SLC12A5: variants seen among roughly 807,000 people sequenced by gnomAD.
SLC12A5 encodes the protein solute carrier family 12 member 5.
SLC12A5 carries 18 observed loss-of-function variants against 124.0 expected under a neutral mutation model. The ratio of observed to expected loss-of-function variants is 0.15; its 90% CI spans 0.10 to 0.22. The LOEUF (loss-of-function observed/expected upper bound fraction) is 0.22. Ranked by LOEUF, SLC12A5 falls within the 10% of genes least tolerant of loss-of-function variation. The pLI, the probability that SLC12A5 is intolerant of heterozygous loss-of-function variation, is 1.00. For missense variants in SLC12A5, 867 were observed against 1,478.7 expected, an observed-to-expected ratio of 0.59 and a Z score of 6.78; for synonymous variants, 589 against 568.0, an observed-to-expected ratio of 1.04 and a Z score of -0.53.
chr20:46,059,713 TTCA>T lies in SLC12A5; in HGVS notation c.*2112_*2114del. ...TTGTTATGAATGTTATCACAAGTCATTCATCAAGTTATCTTTATAATCACTGTA... is the reference window on the plus strand; with the variant it reads ...TTGTTATGAATGTTATCACAAGTCATTCAAGTTATCTTTATAATCACTGTA... On this transcript the variant is annotated 3_prime_UTR_variant, in exon 26 of 26. Coordinates refer to ENST00000243964, the MANE Select transcript of SLC12A5 (RefSeq NM_020708.5). 2.5e-6 allele frequency: 1 copy of T among 399,048 alleles called. No individual in the cohort carries two copies. The highest frequency in any genetic ancestry group is 4.4e-5 in the Admixed American group (1 of 22,738). 24.7% of individuals were successfully genotyped at this position (399,048 alleles called of 1,614,324 possible). A position where few individuals can be genotyped will look rare whatever the true frequency, so the allele number is the denominator to read the frequency against.
downstream of SLC12A5, among the ~76,000 whole-genome samples, chr20:46,023,829 C>T (rs528296254): frequency 6.6e-6 from 1 of 152,280 alleles, no homozygotes; most frequent in South Asian, 2.1e-4. Context: ...GGGACCATCT[C>T]CTTTATCTTT....
intron 10 of SLC12A5, 26 bp downstream of exon 10, chr20:46,043,757 C>T: frequency 6.2e-7 from 1 of 1,613,832 alleles, no homozygotes; most frequent in Non-Finnish European, 8.5e-7. Flanking sequence ...GTGCTGGGAC[C>T]ACCCTCGGGG....
intron 15 of SLC12A5, 118 bp from the exon 16 acceptor site, chr20:46,047,863 C>A (rs372672111): frequency 7.0e-6 from 7 of 1,000,460 alleles, no homozygotes; most frequent in African/African-American, 1.6e-5. Context: ...GAGTGATACA[C>A]ATGTCCTTTC....
intron 1 of SLC12A5, among the ~76,000 whole-genome samples, chr20:46,022,353 T>C (rs57867828): frequency 0.022 from 3,021 of 135,304 alleles, 89 homozygotes; most frequent in African/African-American, 0.079. Context: ...TGGTTTGGGG[T>C]CAGGAAAGGG....
rs183619420 is a variant in SLC12A5 at position 46,058,877 on chromosome 20, G to A, written c.*1272G>A. 6.4e-3 allele frequency: 2,536 copies of A among 397,398 alleles called. 10 individuals are homozygous for A. The highest frequency in any genetic ancestry group is 8.8e-3 in the Non-Finnish European group (1,997 of 225,856). 24.6% of individuals were successfully genotyped at this position (397,398 alleles called of 1,614,324 possible). A position where few individuals can be genotyped will look rare whatever the true frequency, so the allele number is the denominator to read the frequency against. ...CCAGCCGCCTTCTCCGTGCTCTGGG[G>A]CCGGGCCTCGCTGCTTAGCAGCGGC... On this transcript the variant is annotated 3_prime_UTR_variant, in exon 26 of 26. Coordinates refer to ENST00000243964, the MANE Select transcript of SLC12A5 (RefSeq NM_020708.5). This position sits in a 1 kb window ranked among gnomAD's most constrained non-coding sequence, Gnocchi z 5.8.
In SLC12A5 at chr20:46,040,405, G is replaced by C. The variant is rs1173386400; in HGVS notation, c.645G>C (p.Lys215Asn). 1 of 1,614,078 alleles carries C rather than the reference G, an allele frequency of 6.2e-7. No individual in the cohort carries two copies. Among genetic ancestry groups the C allele is most frequent in the Non-Finnish European group, 8.5e-7 (1 of 1,180,056 alleles). The stretch of plus-strand genomic sequence containing the variant: ...TCTTCCCAGCCATGGCCATCTTCAA[G>C]GCAGAAGATGCCAGTGGGGAGGCAG... The part of the protein sequence containing the change: ...AYLFPAMAIF[K>N]AEDASGEAAA... The change falls in exon 7 of 26, where the codon AAG (lysine) becomes AAC (asparagine). Residue 215 changes from lysine to asparagine, a missense_variant. Lys to Asn is a moderately conservative substitution (Grantham distance 94). Around this residue, in one of 9 missense-constraint regions of SLC12A5, gnomAD observed 126 missense variants for 291.6 expected, o/e 0.43. Transcript: ENST00000243964.
intron 8 of SLC12A5, among the ~76,000 whole-genome samples, chr20:46,042,809 A>G (rs991468485): frequency 9.9e-5 from 15 of 152,084 alleles, no homozygotes; most frequent in African/African-American, 3.6e-4. Context: ...ATTTACTGAA[A>G]TATGGGATGC....
chr20:46,042,258 A>C (rs1160100929), intron 8 of SLC12A5, among the ~76,000 whole-genome samples: 1 of 152,168 alleles, frequency 6.6e-6, no homozygotes, highest in East Asian at 1.9e-4. Context: ...GGAGCCACCA[A>C]GGGGTTTTGG....
intron 1 of SLC12A5, chr20:46,022,067 A>G (rs1438071958): frequency 5.2e-6 from 4 of 767,156 alleles, no homozygotes; most frequent in Non-Finnish European, 5.6e-6. Flanking sequence ...CGCGGAACGC[A>G]AAGTGTGGAG....
intron 7 of SLC12A5, 166 bp from the exon 8 acceptor site, chr20:46,041,163 G>GA (rs11460894): frequency 0.46 from 230,053 of 498,046 alleles, 19,425 homozygotes; most frequent in Non-Finnish European, 0.48. Flanking sequence ...GGGAGCTTAA[G>GA]AAAAAAAAAA....
intron 5 of SLC12A5, among the ~76,000 whole-genome samples, chr20:46,037,006 C>T (rs1480430287): frequency 1.3e-5 from 2 of 152,014 alleles, no homozygotes; most frequent in South Asian, 2.1e-4. Context: ...CTGAGACCCT[C>T]CTCTCCACCA....
intron 2 of SLC12A5, 114 bp from the exon 3 acceptor site, chr20:46,035,290 T>C (rs1347303716): frequency 3.6e-6 from 5 of 1,376,800 alleles, no homozygotes; most frequent in Non-Finnish European, 4.0e-6. Context: ...TCCCATCTCA[T>C]CCCAACCTGA....
chr20:46,057,419 G>A lies in SLC12A5; in HGVS notation c.3260-95G>A. ...GCCTCCGGATCAGCACCTCGGACAG[G>A]GACACGGGCGCGAGAGGTCCCCTGG... On this transcript the variant is annotated intron_variant, in intron 25 of 25. Transcript: ENST00000243964. This position sits in a 1 kb window ranked among gnomAD's most constrained non-coding sequence, Gnocchi z 7.1. 1.9e-6 allele frequency: 3 copies of A among 1,604,186 alleles called. No homozygotes were observed. The highest frequency in any genetic ancestry group is 2.6e-6 in the Non-Finnish European group (3 of 1,171,094).
At chr20:46,034,463 A>G (rs535255247) in intron 1 of SLC12A5, among the ~76,000 whole-genome samples, 31 of 152,290 alleles carry the variant, frequency 2.0e-4, no homozygotes, top group African/African-American at 4.8e-5. Context: ...CCATGCCTGT[A>G]TTGGCACACG....
rs372672111 is a variant in SLC12A5, at chr20:46,047,863, C to T, written c.1908-118C>T. ...TGAGTCTGTTGGCAGGAGTGATACA[C>T]ATGTCCTTTCTGAGCCTGAGAGATG... On this transcript the variant is annotated intron_variant, in intron 15 of 25. Coordinates refer to ENST00000243964, the MANE Select transcript of SLC12A5 (RefSeq NM_020708.5). 205 of 1,000,578 alleles carry T rather than the reference C, an allele frequency of 2.0e-4. 2 individuals are homozygous for T. The African/African-American group carries it at 2.9e-3, about 14-fold the overall frequency. 62.0% of individuals were successfully genotyped at this position (1,000,578 alleles called of 1,614,324 possible). A position where few individuals can be genotyped will look rare whatever the true frequency, so the allele number is the denominator to read the frequency against.
intron 6 of SLC12A5, 135 bp from the exon 7 acceptor site, chr20:46,040,238 C>T: frequency 1.5e-6 from 2 of 1,303,084 alleles, no homozygotes; most frequent in Non-Finnish European, 2.1e-6. Flanking sequence ...TAGCGATTCT[C>T]CTATTACTGG....
At chr20:46,029,099 A>G, upstream of SLC12A5, 1 of 1,311,678 alleles carries the variant, frequency 7.6e-7, no homozygotes, top group African/African-American at 1.5e-5. Flanking sequence ...AAACCCCGCC[A>G]GTGGCTCACG....
At chr20:46,038,435 C>T (rs1684183636) in intron 6 of SLC12A5, 1 of 152,144 alleles carries the variant, frequency 6.6e-6, no homozygotes, top group Non-Finnish European at 1.5e-5. Context: ...ATGATCCTCC[C>T]ACCTCAGCCT....
At position 46,053,764 on chromosome 20, in the gene SLC12A5, C is replaced by T. The variant is rs889911917; in HGVS notation, c.2679+55C>T. The T allele has an allele frequency of 8.0e-6, 12 of 1,508,792 alleles. No individual in the cohort carries two copies. The highest frequency in any genetic ancestry group is 2.8e-5 in the African/African-American group (2 of 71,528). The allele number at this position is 1,508,792 out of a possible 1,614,324, so 93.5% of individuals were successfully genotyped here. A position where few individuals can be genotyped will look rare whatever the true frequency, so the allele number is the denominator to read the frequency against. On this transcript the variant is annotated intron_variant, in intron 20 of 25. Transcript: ENST00000243964. This position sits in a 1 kb window ranked among gnomAD's most constrained non-coding sequence, Gnocchi z 4.7. ...CCACCTGGCCCTCTTTCCTCTTGGC[C>T]CCAGCACCAAGTAGGGCAACTCTAA...
Sources: gnomAD v4.1 joint callset for allele counts (sites outside exome capture counted in the v4.1 genomes callset) on GRCh38, gnomAD v4.1.1 for gene constraint, gnomAD v4.1.1 regional missense constraint, Gnocchi (gnomAD v3.1) non-coding constraint, MANE v1.5 for transcripts, NCBI Gene and HGNC (gene_info 2026-07-23, HGNC 2026-07-21) for gene names.